Variants in PRDM14 observed in about 807,000 individuals in gnomAD.
PRDM14 encodes the protein PR/SET domain 14.
In PRDM14, 16 loss-of-function variants were observed where a neutral mutation model predicts 48.0. The ratio of observed to expected loss-of-function variants is 0.33; its 90% CI spans 0.23 to 0.51. The LOEUF (loss-of-function observed/expected upper bound fraction) is 0.51, where lower values mean the gene tolerates loss of function less well. PRDM14 is among the 20% of genes least tolerant of loss of function. The probability of loss-of-function intolerance (pLI) is 0.97; values close to 1 mark genes in which losing one functional copy is unlikely to be tolerated. For synonymous variants in PRDM14, 264 were observed against 276.6 expected, an observed-to-expected ratio of 0.95 and a Z score of 0.45; for missense variants, 566 against 719.6, an observed-to-expected ratio of 0.79 and a Z score of 2.44.
intron 6 of PRDM14, among the ~76,000 whole-genome samples, chr8:70,057,403 C>A (rs959724409): frequency 1.3e-5 from 2 of 151,310 alleles, no homozygotes; most frequent in African/African-American, 4.9e-5. Flanking sequence ...AGTCTCGGCT[C>A]ACTGCAACCT....
At chr8:70,059,769 C>G (rs192165345) in intron 5 of PRDM14, among the ~76,000 whole-genome samples, 6 of 152,090 alleles carry the variant, frequency 3.9e-5, no homozygotes, top group African/African-American at 7.2e-5. Flanking sequence ...AACATCTAAC[C>G]GTAATCTTTA....
Position 70,068,104 on chromosome 8 carries a change from A to G in PRDM14, c.912+126T>C, listed in dbSNP as rs1265533012. On this transcript the variant is annotated intron_variant, in intron 4 of 7. Transcript: ENST00000276594. ...CTTCCTTTTACAGGCAACACAAACC[A>G]CAGATATCTGCCCTGGATGTCCTCT... 2.8e-6 allele frequency: 3 copies of G among 1,059,980 alleles called. No homozygotes were observed. The African/African-American group carries it at 4.7e-5, about 17-fold the overall frequency. The allele number at this position is 1,059,980 out of a possible 1,614,324, so 65.7% of individuals were successfully genotyped here. A position where few individuals can be genotyped will look rare whatever the true frequency, so the allele number is the denominator to read the frequency against.
chr8:70,068,182 A>T, intron 4 of PRDM14, 48 bp downstream of exon 4: 2 of 1,606,910 alleles, frequency 1.2e-6, no homozygotes, highest in South Asian at 2.2e-5. Context: ...TCCCCGGACT[A>T]GTCTCCCGCC....
Position 70,066,442 on chromosome 8 carries a change from A to G in PRDM14, c.976T>C (p.Ser326Pro), listed in dbSNP as rs759502844. The G allele has an allele frequency of 3.1e-6, 5 of 1,614,160 alleles. No individual in the cohort carries two copies. Among genetic ancestry groups the G allele is most frequent in the Non-Finnish European group, 4.2e-6 (5 of 1,179,992 alleles). Residue 326 changes from serine to proline, a missense_variant, in exon 5 of 8, where the codon TCC becomes CCC. This residue lies in a region of PRDM14 where 410 missense variants were observed against 424.6 expected (regional missense o/e 0.97). Transcript: ENST00000276594. Reference sequence around the variant, plus strand: ...GGGAAGCGGGCACAGTTGACATAGGACATCCAGTTCCCCGTACCTCCTTTT... The same window carrying G: ...GGGAAGCGGGCACAGTTGACATAGGGCATCCAGTTCCCCGTACCTCCTTTT... ...DGKGGTGNWM[S>P]YVNCARFPKE...
intron 7 of PRDM14, among the ~76,000 whole-genome samples, chr8:70,054,672 C>T (rs1328732450): frequency 9.4e-5 from 14 of 149,656 alleles, no homozygotes; most frequent in Admixed American, 2.7e-4. Flanking sequence ...GAACGTGCCA[C>T]CATGCCCAGC....
chr8:70,061,081 T>A (rs974976420), intron 5 of PRDM14, among the ~76,000 whole-genome samples: 1 of 152,222 alleles, frequency 6.6e-6, no homozygotes. Context: ...GAGGTAAATC[T>A]GTTTTTATCA....
chr8:70,058,682 C>T lies in PRDM14; in HGVS notation c.1344G>A (p.Arg448=). 1 of 1,614,060 alleles carries T rather than the reference C, an allele frequency of 6.2e-7. No individual in the cohort carries two copies. Among genetic ancestry groups the T allele is most frequent in the Non-Finnish European group, 8.5e-7 (1 of 1,179,986 alleles). ...KRSFEKRDRL[R]IHILHVHEKH... is the part of the protein sequence containing the mutation. ...TCTCATGAACATGAAGAATGTGGATCCGAAGCCGGTCCCGCTTCTCAAAGG... is the reference window on the plus strand; with the variant it reads ...TCTCATGAACATGAAGAATGTGGATTCGAAGCCGGTCCCGCTTCTCAAAGG... Residue 448 remains arginine, a synonymous_variant, in exon 6 of 8, where the codon CGG becomes CGA. Transcript: ENST00000276594.
rs377378432 is a variant in PRDM14, at chr8:70,066,513, A to G, written c.913-8T>C. ...ATGACCATCTTCAAAGATCTAAATG[A>G]AATAAGACATGAAGTTTGTATTGTA... On this transcript the variant is annotated splice_region_variant and splice_polypyrimidine_tract_variant and intron_variant, in intron 4 of 7. Transcript: ENST00000276594. 12 of 1,608,010 alleles carry G rather than the reference A, an allele frequency of 7.5e-6. No individual in the cohort carries two copies. The highest frequency in any genetic ancestry group is 9.3e-6 in the Non-Finnish European group (11 of 1,177,130).
At chr8:70,057,079 C>T (rs1314489902) in intron 6 of PRDM14, among the ~76,000 whole-genome samples, 1 of 151,390 alleles carries the variant, frequency 6.6e-6, no homozygotes, top group Non-Finnish European at 1.5e-5. Flanking sequence ...CATTCTCCTG[C>T]CTCAGCCTCC....
At chr8:70,053,098 TAAA>T (rs71275048) in intron 7 of PRDM14, among the ~76,000 whole-genome samples, 1,054 of 82,152 alleles carry the variant, frequency 0.013, 4 homozygotes, top group Non-Finnish European at 0.019. Context: ...ACCCTCTCTT[TAAA>T]AAAAAAAAAA....
chr8:70,055,491 CT>C, intron 6 of PRDM14, 90 bp from the exon 7 acceptor site: 3 of 698,806 alleles, frequency 4.3e-6, no homozygotes, highest in Admixed American at 2.6e-5. Flanking sequence ...TAGAGAAGAA[CT>C]CTTTTCCAAT....
intron 5 of PRDM14, 36 bp downstream of exon 5, chr8:70,066,199 A>G (rs1170226325): frequency 1.3e-6 from 2 of 1,599,764 alleles, no homozygotes; most frequent in East Asian, 2.2e-5. Context: ...TTCTACTGGG[A>G]TGCCCTCATT....
Position 70,069,501 on chromosome 8 carries a change from C to T in PRDM14, c.360G>A (p.Glu120=). 2 of 1,592,474 alleles carry T rather than the reference C, an allele frequency of 1.3e-6. No homozygotes were observed. The highest frequency in any genetic ancestry group is 8.6e-7 in the Non-Finnish European group (1 of 1,168,476). ...GATCTTCACTGCTGGCACCCGCGTA[C>T]TCGTGGCTGCTGCTCAGGAAGGGCG... ...EVPPFLSSSH[E]YAGASSEDLG... Residue 120 remains glutamate (E), a synonymous_variant, in exon 2 of 8, where the codon GAG becomes GAA. Transcript: ENST00000276594.
chr8:70,070,749 G>A (rs954253843), intron 1 of PRDM14, among the ~76,000 whole-genome samples: 3 of 152,346 alleles, frequency 2.0e-5, no homozygotes, highest in African/African-American at 7.2e-5. Flanking sequence ...GCGACTGCCA[G>A]TCCTCCCGCC....
At chr8:70,059,018 G>A (rs1236257294) in intron 5 of PRDM14, among the ~76,000 whole-genome samples, 176 bp from the exon 6 acceptor site, 6 of 152,136 alleles carry the variant, frequency 3.9e-5, no homozygotes, top group South Asian at 4.1e-4. Flanking sequence ...GCAGTGGCAC[G>A]ATCTTGGCTC....
chr8:70,063,290 T>C (rs1805615288), intron 5 of PRDM14, among the ~76,000 whole-genome samples: 1 of 151,694 alleles, frequency 6.6e-6, no homozygotes, highest in African/African-American at 2.4e-5. Context: ...AAAAATTAGC[T>C]GGGTGTGGTG....
intron 4 of PRDM14, among the ~76,000 whole-genome samples, chr8:70,067,647 T>C (rs1279048521): frequency 6.6e-6 from 1 of 152,222 alleles, no homozygotes; most frequent in Non-Finnish European, 1.5e-5. Flanking sequence ...ATAGCCTCAA[T>C]TTCAGATTAT....
rs1191591879 is a variant in PRDM14, at chr8:70,051,878, C to G, written c.*199G>C. On this transcript the variant is annotated 3_prime_UTR_variant, in exon 8 of 8. Coordinates refer to ENST00000276594, the MANE Select transcript of PRDM14 (RefSeq NM_024504.4). ...CCTCCGTCTCCTGTGCTCAAACCAT[C>G]CTGCCACCTCGACCTCCTGAGTGGC... The G allele has an allele frequency of 1.9e-6, 1 of 518,680 alleles. No homozygotes were observed. The highest frequency in any genetic ancestry group is 3.2e-5 in the Admixed American group (1 of 31,300). 32.1% of individuals were successfully genotyped at this position (518,680 alleles called of 1,614,324 possible).
chr8:70,057,312 T>C (rs1045526869), intron 6 of PRDM14, among the ~76,000 whole-genome samples: 5 of 151,078 alleles, frequency 3.3e-5, no homozygotes, highest in Non-Finnish European at 7.4e-5. Context: ...TAATTTGGTT[T>C]TTGCTTGATA....
Sources: gnomAD v4.1 joint callset for allele counts (sites outside exome capture counted in the v4.1 genomes callset) on GRCh38, gnomAD v4.1.1 for gene constraint, gnomAD v4.1.1 regional missense constraint, MANE v1.5 for transcripts, NCBI Gene and HGNC (gene_info 2026-07-23, HGNC 2026-07-21) for gene names.